The following DLGAP2 variants were observed in gnomAD, a reference collection of about 807,000 sequenced individuals.
DLGAP2 encodes DLG associated protein 2, also known as disks large-associated protein 2.
Under a neutral mutation model 100.3 loss-of-function variants are expected in DLGAP2, and 26 were observed. That is an observed-to-expected ratio of 0.26 (90% CI 0.19 to 0.36). The LOEUF (loss-of-function observed/expected upper bound fraction) is 0.36, where lower values mean the gene tolerates loss of function less well. Ranked by LOEUF, DLGAP2 falls within the 10% of genes least tolerant of loss-of-function variation. The pLI is 1.00. For synonymous variants in DLGAP2, 886 were observed against 630.1 expected, an observed-to-expected ratio of 1.41 and a Z score of -6.08; for missense variants, 1,858 against 1,453.2, an observed-to-expected ratio of 1.28 and a Z score of -4.53.
intron 3 of DLGAP2, among the ~76,000 whole-genome samples, chr8:1,478,673 G>A (rs575107623): frequency 5.3e-5 from 8 of 152,046 alleles, no homozygotes; most frequent in Non-Finnish European, 1.0e-4. Flanking sequence ...GAGATGCCCA[G>A]GGCAATGGTC....
intron 3 of DLGAP2, among the ~76,000 whole-genome samples, chr8:1,392,061 T>A (rs1796371481): frequency 1.3e-5 from 2 of 152,198 alleles, no homozygotes; most frequent in African/African-American, 4.8e-5. Flanking sequence ...TGCTGTAGGA[T>A]CTTTCAGAAA....
In DLGAP2 at chr8:1,103,425, A is replaced by G. The variant is rs190797379; in HGVS notation, c.74-155426A>G. Among the ~76,000 whole-genome samples, 432 of 144,216 alleles carry G rather than the reference A, an allele frequency of 3.0e-3. 16 individuals are homozygous for G. The highest frequency in any genetic ancestry group is 0.011 in the African/African-American group (405 of 38,366). 94.6% of individuals were successfully genotyped at this position (144,216 alleles called of 152,430 possible). On this transcript the variant is annotated intron_variant, in intron 2 of 14. Coordinates refer to ENST00000637795, the MANE Select transcript of DLGAP2 (RefSeq NM_001346810.2). The stretch of plus-strand genomic sequence containing the variant: ...GCCTTGTTTAACGGTGATGACTGGC[A>G]GGGCTTTGGTTAACGGTGATGACTG...
intron 2 of DLGAP2, among the ~76,000 whole-genome samples, chr8:948,790 T>G (rs553490398): frequency 6.6e-6 from 1 of 152,348 alleles, no homozygotes; most frequent in African/African-American, 2.4e-5. Context: ...TGTCAGACAC[T>G]GCCTTTCGCC....
intron 2 of DLGAP2, among the ~76,000 whole-genome samples, chr8:1,226,427 G>A (rs956246384): frequency 1.2e-4 from 19 of 152,060 alleles, no homozygotes; most frequent in South Asian, 4.2e-4. Context: ...CAATGAGAAG[G>A]TATGGACACA....
chr8:1,597,858 A>G (rs1796507838), intron 6 of DLGAP2, among the ~76,000 whole-genome samples: 2 of 152,194 alleles, frequency 1.3e-5, no homozygotes, highest in Middle Eastern at 6.8e-3. Flanking sequence ...AATACCTTTT[A>G]TTTCTTTCTC....
intron 1 of DLGAP2, among the ~76,000 whole-genome samples, chr8:839,020 T>C (rs1180071727): frequency 1.3e-5 from 2 of 152,154 alleles, no homozygotes; most frequent in Non-Finnish European, 2.9e-5. Flanking sequence ...AAAAGCCACA[T>C]ATGACCACAG....
chr8:1,062,199 C>T (rs1365518292), intron 2 of DLGAP2, among the ~76,000 whole-genome samples: 1 of 152,162 alleles, frequency 6.6e-6, no homozygotes, highest in African/African-American at 2.4e-5. Context: ...GCCCCCACAT[C>T]CACATGGAGT....
intron 3 of DLGAP2, among the ~76,000 whole-genome samples, chr8:1,439,760 C>A (rs1797774653): frequency 6.6e-6 from 1 of 152,206 alleles, no homozygotes. Context: ...ACCCTCTCCC[C>A]ACCATCCCCC....
chr8:793,409 A>G (rs141197511), intron 1 of DLGAP2, among the ~76,000 whole-genome samples: 7 of 152,110 alleles, frequency 4.6e-5, no homozygotes, highest in African/African-American at 1.7e-4. Context: ...TGATGATTTT[A>G]CCCATTTTGC....
rs1402706114 is a variant in DLGAP2 at position 1,703,071 on chromosome 8, C to G, written c.*1665C>G. On this transcript the variant is annotated 3_prime_UTR_variant, in exon 15 of 15. Transcript: ENST00000637795. The stretch of plus-strand genomic sequence containing the variant: ...GCGCCCTCCAGAGCTGCGGTGTCTC[C>G]CTGCCTCATTCCCCACATCCCACTG... The G allele has an allele frequency of 6.5e-6, 1 of 152,680 alleles. No homozygotes were observed. Among genetic ancestry groups the G allele is most frequent in the Admixed American group, 6.5e-5 (1 of 15,276 alleles). The allele number at this position is 152,680 out of a possible 1,614,324, so 9.5% of individuals were successfully genotyped here.
chr8:841,347 G>A (rs1014850730), intron 1 of DLGAP2, among the ~76,000 whole-genome samples: 15 of 152,174 alleles, frequency 9.9e-5, no homozygotes, highest in African/African-American at 3.6e-4. Flanking sequence ...TTGGCCAGTG[G>A]GGGCCTCTTC....
chr8:1,708,100 G>C lies in DLGAP2; in HGVS notation c.*6694G>C, dbSNP rs953083631. The stretch of plus-strand genomic sequence containing the variant: ...TTCCCATGACTTTTTTTCACTCTCA[G>C]CTGACTGTAAGAAACTGTGCACCGT... On this transcript the variant is annotated 3_prime_UTR_variant, in exon 15 of 15. Coordinates refer to ENST00000637795, the MANE Select transcript of DLGAP2 (RefSeq NM_001346810.2). 3.3e-5 allele frequency: 5 copies of C among 152,022 alleles called. No homozygotes were observed. Among genetic ancestry groups the C allele is most frequent in the African/African-American group, 1.2e-4 (5 of 41,362 alleles). The allele number at this position is 152,022 out of a possible 1,614,324, so 9.4% of individuals were successfully genotyped here.
chr8:1,589,767 T>G (rs1796235691), intron 6 of DLGAP2, among the ~76,000 whole-genome samples: 1 of 152,148 alleles, frequency 6.6e-6, no homozygotes, highest in Non-Finnish European at 1.5e-5. Context: ...CAGGGAGTGG[T>G]TGGGGTTTGC....
At chr8:1,600,267 G>T (rs1056794220) in intron 6 of DLGAP2, among the ~76,000 whole-genome samples, 1 of 152,096 alleles carries the variant, frequency 6.6e-6, no homozygotes, top group Non-Finnish European at 1.5e-5. Flanking sequence ...GCTTCCCTTT[G>T]TGGGTAACCT....
intron 6 of DLGAP2, chr8:1,621,801 G>A (rs1312632733): frequency 6.6e-6 from 1 of 152,116 alleles, no homozygotes; most frequent in Non-Finnish European, 1.5e-5. Flanking sequence ...TCAAGGGTAT[G>A]GCGTTTCCGA....
At chr8:1,423,470 C>T (rs938520727) in intron 3 of DLGAP2, among the ~76,000 whole-genome samples, 24 of 152,240 alleles carry the variant, frequency 1.6e-4, no homozygotes, top group Admixed American at 1.6e-3. Context: ...CCTGCCATCT[C>T]CATACCGCTC....
At chr8:1,187,771 G>A (rs1397718771) in intron 2 of DLGAP2, among the ~76,000 whole-genome samples, 30 of 117,848 alleles carry the variant, frequency 2.5e-4, no homozygotes, top group East Asian at 5.4e-4. Context: ...AATCTCACAC[G>A]CCCGGGACCT....
chr8:973,420 C>A (rs1800072850), intron 2 of DLGAP2, among the ~76,000 whole-genome samples: 1 of 151,898 alleles, frequency 6.6e-6, no homozygotes, highest in Non-Finnish European at 1.5e-5. Context: ...AGAGACGCTC[C>A]TCACCTCCCA....
chr8:1,253,282 C>G (rs926318219), intron 2 of DLGAP2, among the ~76,000 whole-genome samples: 3 of 152,192 alleles, frequency 2.0e-5, no homozygotes, highest in African/African-American at 7.2e-5. Flanking sequence ...TGTGTGTGCC[C>G]TTTCTTCCCG....
Sources: allele counts gnomAD v4.1 joint callset (sites outside exome capture counted in the v4.1 genomes callset), GRCh38; gene constraint gnomAD v4.1.1; transcripts MANE v1.5; gene names NCBI Gene and HGNC (gene_info 2026-07-23, HGNC 2026-07-21).